The following PTPRD variants were observed in gnomAD, a reference collection of about 807,000 sequenced individuals.
PTPRD encodes the protein protein tyrosine phosphatase receptor type D, also known as receptor-type tyrosine-protein phosphatase delta.
Under a neutral mutation model 214.5 loss-of-function variants are expected in PTPRD, and 34 were observed. The ratio of observed to expected loss-of-function variants is 0.16; its 90% CI spans 0.12 to 0.21. The LOEUF (loss-of-function observed/expected upper bound fraction) is 0.21. Among genes scored for constraint, PTPRD ranks in the 10% least tolerant of loss-of-function variants. The pLI is 1.00. For synonymous variants in PTPRD, 1,128 were observed against 845.7 expected (o/e 1.33, Z -5.79); for missense variants, 2,545 against 2,398.7 (o/e 1.06, Z -1.27).
At chr9:9,019,413 C>G (rs1414289639) in intron 10 of PTPRD, among the ~76,000 whole-genome samples, 2 of 151,560 alleles carry the variant, frequency 1.3e-5, no homozygotes, top group South Asian at 2.1e-4. Flanking sequence ...AATTATATAC[C>G]TCGAAGTTTG....
chr9:10,132,742 G>A (rs1180442537), intron 3 of PTPRD, among the ~76,000 whole-genome samples: 2 of 152,172 alleles, frequency 1.3e-5, no homozygotes, highest in Non-Finnish European at 2.9e-5. Flanking sequence ...AGTAGGTCAT[G>A]CTTCTGCTCC....
At chr9:8,969,197 G>GT (rs1469333098) in intron 11 of PTPRD, among the ~76,000 whole-genome samples, 24 of 151,962 alleles carry the variant, frequency 1.6e-4, no homozygotes, top group African/African-American at 5.6e-4. Flanking sequence ...TTCACTCATG[G>GT]TATTAACGAA....
intron 5 of PTPRD, among the ~76,000 whole-genome samples, chr9:9,930,761 G>A (rs541148579): frequency 6.6e-6 from 1 of 151,976 alleles, no homozygotes; most frequent in Non-Finnish European, 1.5e-5. Context: ...ACAAAATGAA[G>A]CAGAACAATA....
At chr9:10,090,026 A>G (rs1048053952) in intron 3 of PTPRD, among the ~76,000 whole-genome samples, 1 of 151,678 alleles carries the variant, frequency 6.6e-6, no homozygotes, top group Non-Finnish European at 1.5e-5. Flanking sequence ...GAAGGACACT[A>G]TCTACAAGAC....
intron 3 of PTPRD, among the ~76,000 whole-genome samples, chr9:10,042,763 T>G (rs2097320344): frequency 6.6e-6 from 1 of 151,932 alleles, no homozygotes; most frequent in Non-Finnish European, 1.5e-5. Context: ...CACTGTCCTT[T>G]TCCCCACCAG....
chr9:9,950,499 C>T lies in PTPRD; in HGVS notation c.-471-11889G>A, dbSNP rs1243803592. 2.3e-4 allele frequency among the ~76,000 whole-genome samples: 8 copies of T among 34,672 alleles called. 2 individuals are homozygous for T. The highest frequency in any genetic ancestry group is 3.3e-4 in the Admixed American group (1 of 3,010). The allele number at this position is 34,672 out of a possible 152,430, so 22.7% of individuals were successfully genotyped here. On this transcript the variant is annotated intron_variant, in intron 4 of 45. Transcript: ENST00000381196. The stretch of plus-strand genomic sequence containing the variant: ...CAGCACTTTGGGAGGCCGAGGCGGG[C>T]GGATCACGAGGTCAGGAGATCGAGA...
intron 3 of PTPRD, among the ~76,000 whole-genome samples, chr9:10,145,186 C>T (rs16931167): frequency 0.16 from 23,721 of 151,940 alleles, 1,983 homozygotes; most frequent in South Asian, 0.33. Flanking sequence ...TTTCTGTTTC[C>T]ATAAAAATTC....
chr9:9,394,431 A>T (rs1480545008), intron 9 of PTPRD, among the ~76,000 whole-genome samples: 1 of 152,170 alleles, frequency 6.6e-6, no homozygotes, highest in East Asian at 1.9e-4. Context: ...TCAATTCACA[A>T]CTGATTGGAA....
intron 14 of PTPRD, among the ~76,000 whole-genome samples, chr9:8,591,074 T>C (rs1594740378): frequency 6.6e-6 from 1 of 152,140 alleles, no homozygotes; most frequent in East Asian, 1.9e-4. Context: ...AGCTGAGTCT[T>C]TCTCATTTTG....
chr9:9,180,657 T>C (rs2099927681), intron 10 of PTPRD, among the ~76,000 whole-genome samples: 1 of 152,114 alleles, frequency 6.6e-6, no homozygotes, highest in South Asian at 2.1e-4. Context: ...GACTGATGTA[T>C]AACACTCACA....
intron 2 of PTPRD, among the ~76,000 whole-genome samples, chr9:10,508,629 G>T (rs569284558): frequency 6.6e-6 from 1 of 152,208 alleles, no homozygotes; most frequent in Admixed American, 6.5e-5. Context: ...AAAAGGATGA[G>T]TTGATGTCCT....
At chr9:9,400,641 T>C (rs1340728955) in intron 8 of PTPRD, among the ~76,000 whole-genome samples, 1 of 152,078 alleles carries the variant, frequency 6.6e-6, no homozygotes, top group Non-Finnish European at 1.5e-5. Flanking sequence ...ATAGAAATCC[T>C]TCCAGTTAAA....
At chr9:8,946,936 G>C (rs2099068448) in intron 11 of PTPRD, among the ~76,000 whole-genome samples, 1 of 147,712 alleles carries the variant, frequency 6.8e-6, no homozygotes, top group African/African-American at 2.5e-5. Context: ...TTTATTGTCT[G>C]TCTGCCTCTG....
intron 2 of PTPRD, among the ~76,000 whole-genome samples, chr9:10,391,236 G>A (rs575644380): frequency 6.6e-6 from 1 of 151,850 alleles, no homozygotes; most frequent in African/African-American, 2.4e-5. Context: ...AGCTGTAATT[G>A]GTAAAGAAGC....
At chr9:9,191,356 C>A (rs2099935045) in intron 9 of PTPRD, among the ~76,000 whole-genome samples, 1 of 151,804 alleles carries the variant, frequency 6.6e-6, no homozygotes, top group African/African-American at 2.4e-5. Context: ...TGTGGATCTT[C>A]TTTCATTTGG....
intron 2 of PTPRD, among the ~76,000 whole-genome samples, chr9:10,387,212 T>A (rs2097932173): frequency 6.6e-6 from 1 of 151,878 alleles, no homozygotes; most frequent in Admixed American, 6.6e-5. Flanking sequence ...AACTTCGCAG[T>A]AATTCTTTAT....
At chr9:8,887,533 G>C (rs1587407750) in intron 11 of PTPRD, among the ~76,000 whole-genome samples, 1 of 152,200 alleles carries the variant, frequency 6.6e-6, no homozygotes. Flanking sequence ...TTACTGGCCT[G>C]GTCTGTTGCA....
chr9:8,995,477 G>A (rs1389314820), intron 11 of PTPRD, among the ~76,000 whole-genome samples: 3 of 152,000 alleles, frequency 2.0e-5, no homozygotes, highest in Non-Finnish European at 4.4e-5. Flanking sequence ...GGAGGTGTTT[G>A]AAAATTTCCA....
At chr9:9,668,227 T>C (rs2154384616) in intron 7 of PTPRD, among the ~76,000 whole-genome samples, 1 of 152,292 alleles carries the variant, frequency 6.6e-6, no homozygotes. Context: ...ATCATTCTAC[T>C]GTCAATTTTC....
Sources: gnomAD v4.1 joint callset for allele counts (sites outside exome capture counted in the v4.1 genomes callset) on GRCh38, gnomAD v4.1.1 for gene constraint, MANE v1.5 for transcripts, NCBI Gene and HGNC (gene_info 2026-07-23, HGNC 2026-07-21) for gene names.